PCMTD2: variants seen among roughly 807,000 people sequenced by gnomAD.
PCMTD2 encodes protein-L-isoaspartate O-methyltransferase domain-containing protein 2.
In PCMTD2, 16 loss-of-function variants were observed where a neutral mutation model predicts 33.4. That is an observed-to-expected ratio of 0.48 (90% CI 0.32 to 0.73). PCMTD2 has a LOEUF of 0.73. Among genes scored for constraint, PCMTD2 ranks in the 30% least tolerant of loss-of-function variants. The pLI is 0.03. For missense variants in PCMTD2, 374 were observed against 449.9 expected, an observed-to-expected ratio of 0.83 and a Z score of 1.53; for synonymous variants, 161 against 160.8, an observed-to-expected ratio of 1.00 and a Z score of -0.01.
At chr20:64,267,744 A>G (rs1287743072) in intron 4 of PCMTD2, 143 bp from the exon 5 acceptor site, 1 of 658,342 alleles carries the variant, frequency 1.5e-6, no homozygotes, top group African/African-American at 1.8e-5. Flanking sequence ...TTCATGGCAC[A>G]TCACATTAGG....
chr20:64,260,404 A>G (rs565097744), intron 2 of PCMTD2, 132 bp downstream of exon 2: 19 of 652,544 alleles, frequency 2.9e-5, no homozygotes, highest in Middle Eastern at 4.3e-4. Context: ...TCTGACATTG[A>G]CACATCACTG....
At chr20:64,265,694 T>G in intron 4 of PCMTD2, 2 of 348,064 alleles carry the variant, frequency 5.7e-6, no homozygotes, top group Non-Finnish European at 1.0e-5. Context: ...CTTCTGTCCC[T>G]TCCCCCTCAC....
intron 2 of PCMTD2, among the ~76,000 whole-genome samples, chr20:64,263,663 A>G (rs1329470975): frequency 1.3e-5 from 2 of 152,226 alleles, no homozygotes; most frequent in South Asian, 2.1e-4. Context: ...CTCCAGCCAC[A>G]GCAAGATGCA....
intron 2 of PCMTD2, among the ~76,000 whole-genome samples, chr20:64,260,534 G>C (rs6062683): frequency 5.9e-5 from 9 of 151,734 alleles, no homozygotes. Context: ...CCTGTACTGC[G>C]CACCTGCCCT....
chr20:64,266,838 TA>T (rs1985680807), intron 4 of PCMTD2, among the ~76,000 whole-genome samples: 1 of 152,238 alleles, frequency 6.6e-6, no homozygotes, highest in African/African-American at 2.4e-5. Context: ...GAATATGAAA[TA>T]GGGGTTTATA....
chr20:64,255,950 C>T (rs1448518003), intron 1 of PCMTD2, 80 bp downstream of exon 1: 1 of 152,096 alleles, frequency 6.6e-6, no homozygotes, highest in Non-Finnish European at 1.5e-5. Flanking sequence ...CCCTTCCCTC[C>T]TCCTTCCCCA....
At chr20:64,270,510 G>A (rs1209852641) in intron 5 of PCMTD2, among the ~76,000 whole-genome samples, 1 of 148,288 alleles carries the variant, frequency 6.7e-6, no homozygotes, top group African/African-American at 2.5e-5. Context: ...CGTGAGTTCC[G>A]GCGTGCACGA....
chr20:64,257,058 A>T (rs145369949), intron 1 of PCMTD2: 11 of 152,308 alleles, frequency 7.2e-5, no homozygotes, highest in Non-Finnish European at 1.5e-4. Context: ...CAAGGTGAGA[A>T]ATCTGTTTGT....
At chr20:64,268,043 T>G in intron 5 of PCMTD2, 33 bp downstream of exon 5, 1 of 1,515,154 alleles carries the variant, frequency 6.6e-7, no homozygotes, top group Non-Finnish European at 9.0e-7. Context: ...ATTTTATCTT[T>G]TAGATCTTTT....
At chr20:64,261,840 A>C (rs1299758697) in intron 2 of PCMTD2, among the ~76,000 whole-genome samples, 1 of 152,234 alleles carries the variant, frequency 6.6e-6, no homozygotes, top group Non-Finnish European at 1.5e-5. Context: ...CCTCCAACGT[A>C]GCTGAAAAAT....
rs375984565 is a variant in PCMTD2 at position 64,273,530 on chromosome 20, G to T, written c.1016G>T (p.Arg339Leu). The T allele has an allele frequency of 1.3e-6, 2 of 1,576,114 alleles. No homozygotes were observed. The part of the protein sequence containing the change: ...TKPDPPVNFL[R>L]QKVLSLPLPD... ...CCAGACCCCCCAGTGAACTTCCTAC[G>T]CCAGAAGGTCCTGAGCCTCCCTCTG... The change falls in exon 6 of 6, where the codon CGC (arginine) becomes CTC (leucine). Residue 339 changes from arginine (R) to leucine (L), a missense_variant. Transcript: ENST00000308824.
chr20:64,266,336 C>A lies in PCMTD2; in HGVS notation c.582+907C>A, dbSNP rs536493043. 3.3e-5 allele frequency among the ~76,000 whole-genome samples: 5 copies of A among 152,322 alleles called. No homozygotes were observed. In the South Asian group the frequency reaches 1.0e-3, roughly 32 times the overall value. Reference sequence around the variant, plus strand: ...GCAGTGGCGCGATCTCAGCTTAGTGCAACCTCTGCCTCCTGGGTTCAAGCG... The same window carrying A: ...GCAGTGGCGCGATCTCAGCTTAGTGAAACCTCTGCCTCCTGGGTTCAAGCG... On this transcript the variant is annotated intron_variant, in intron 4 of 5. Transcript: ENST00000308824.
intron 2 of PCMTD2, among the ~76,000 whole-genome samples, chr20:64,262,089 C>T (rs987093057): frequency 2.6e-5 from 4 of 151,994 alleles, no homozygotes; most frequent in Admixed American, 2.0e-4. Context: ...CCTGTCCCTA[C>T]CAAAAGTATA....
chr20:64,264,392 C>T (rs1168142520), intron 2 of PCMTD2, 37 bp from the exon 3 acceptor site: 1 of 999,282 alleles, frequency 1.0e-6, no homozygotes, highest in East Asian at 2.4e-5. Context: ...AGTTCTTACT[C>T]TGGTTCTACA....
chr20:64,265,496 G>A (rs370018537), intron 4 of PCMTD2, 67 bp downstream of exon 4: 4 of 1,194,042 alleles, frequency 3.3e-6, no homozygotes, highest in South Asian at 1.6e-5. Flanking sequence ...GGCAGTGTAC[G>A]GATACTTACT....
chr20:64,265,821 C>T (rs1378893224), intron 4 of PCMTD2, among the ~76,000 whole-genome samples: 2 of 151,880 alleles, frequency 1.3e-5, no homozygotes, highest in Non-Finnish European at 2.9e-5. Flanking sequence ...TCATTCTATT[C>T]TCATCATTAG....
intron 4 of PCMTD2, among the ~76,000 whole-genome samples, chr20:64,266,380 C>T (rs1011055676): frequency 6.6e-6 from 1 of 152,168 alleles, no homozygotes; most frequent in African/African-American, 2.4e-5. Context: ...GCCTCAGCCT[C>T]CTGAGTAGCT....
At chr20:64,271,559 G>C (rs964818114) in intron 5 of PCMTD2, 3 of 152,704 alleles carry the variant, frequency 2.0e-5, no homozygotes, top group African/African-American at 7.2e-5. Context: ...TCAGGATTCT[G>C]GTCCGGACTG....
intron 5 of PCMTD2, among the ~76,000 whole-genome samples, chr20:64,269,497 G>A (rs551215167): frequency 1.7e-4 from 26 of 152,326 alleles, no homozygotes; most frequent in African/African-American, 5.8e-4. Context: ...TGCTTTTAGA[G>A]TTTCTGAAGT....
Sources: allele counts gnomAD v4.1 joint callset (sites outside exome capture counted in the v4.1 genomes callset), GRCh38; gene constraint gnomAD v4.1.1; transcripts MANE v1.5; gene names NCBI Gene and HGNC (gene_info 2026-07-23, HGNC 2026-07-21).